The following C19orf18 variants were observed in gnomAD, a reference collection of about 807,000 sequenced individuals.
C19orf18 encodes the protein uncharacterized protein C19orf18.
C19orf18 carries 21 observed loss-of-function variants against 23.3 expected under a neutral mutation model. The observed-to-expected ratio is 0.90, with a 90% CI of 0.64 to 1.30. The LOEUF is 1.30. Among genes scored for constraint, C19orf18 ranks in the 50% most tolerant of loss-of-function variants. The pLI, the probability that C19orf18 is intolerant of heterozygous loss-of-function variation, is 0.00. For missense variants in C19orf18, 249 were observed against 259.6 expected (o/e 0.96, Z 0.28); for synonymous variants, 96 against 95.2 (o/e 1.01, Z -0.05).
rs77176523 is a variant in C19orf18, at chr19:57,967,083, C to CA, written c.269-452dup. Among the ~76,000 whole-genome samples the CA allele has an allele frequency of 2.8e-3, 322 of 115,668 alleles. 2 individuals carry two copies. Among genetic ancestry groups the CA allele is most frequent in the South Asian group, 0.012 (45 of 3,686 alleles). The allele number at this position is 115,668 out of a possible 152,430, so 75.9% of individuals were successfully genotyped here. ...TGGGCAACAGTGTGAAACTCCGTCT[C>CA]AAAAAAAAAAAAAAGAAAGAAAACT... On this transcript the variant is annotated intron_variant, in intron 3 of 5. Transcript: ENST00000314391.
In C19orf18 at chr19:57,959,127, G is replaced by A. The variant is rs112890025; in HGVS notation, c.533-410C>T. Among the ~76,000 whole-genome samples, 956 of 152,298 alleles carry A rather than the reference G, an allele frequency of 6.3e-3. 7 individuals are homozygous for A. The highest frequency in any genetic ancestry group is 0.01 in the Non-Finnish European group (697 of 68,022). On this transcript the variant is annotated intron_variant, in intron 5 of 5. Coordinates refer to ENST00000314391, the MANE Select transcript of C19orf18 (RefSeq NM_152474.5). ...GAGTCCATGTGAGGATGGTTAGTAT[G>A]TCTGAATCACACACTACACTCTCTA...
chr19:57,968,741 G>A lies in C19orf18; in HGVS notation c.269-2109C>T, dbSNP rs139094893. 1.2e-4 allele frequency among the ~76,000 whole-genome samples: 18 copies of A among 152,112 alleles called. No individual in the cohort carries two copies. In the East Asian group the frequency reaches 2.1e-3, roughly 18 times the overall value. ...TATTTATTATATTTTCTTATTTTCC[G>A]TATTCCTGATGCTCTGGCATTTGGG... On this transcript the variant is annotated intron_variant, in intron 3 of 5. Transcript: ENST00000314391.
intron 3 of C19orf18, among the ~76,000 whole-genome samples, chr19:57,969,762 G>A (rs1033957025): frequency 2.7e-5 from 4 of 150,854 alleles, no homozygotes; most frequent in South Asian, 2.1e-4. Flanking sequence ...CAAAATTAGC[G>A]GGGCATGGTA....
chr19:57,963,743 AGCCGGGCGTGGTG>A (rs1427968983), intron 4 of C19orf18, among the ~76,000 whole-genome samples: 1 of 152,006 alleles, frequency 6.6e-6, no homozygotes, highest in African/African-American at 2.4e-5. Context: ...AAAAAAAATT[AGCCGGGCGTGGTG>A]GCGGGTGCCT....
chr19:57,966,229 G>C lies in C19orf18; in HGVS notation c.371+301C>G, dbSNP rs188845106. On this transcript the variant is annotated intron_variant, in intron 4 of 5. Coordinates refer to ENST00000314391, the MANE Select transcript of C19orf18 (RefSeq NM_152474.5). ...CCTGACCTCATGATCCACCCGCCTC[G>C]GCCTTCCAAAGTGCTGGGATTACAA... Among the ~76,000 whole-genome samples, 164 of 152,038 alleles carry C rather than the reference G, an allele frequency of 1.1e-3. 3 individuals carry two copies. The East Asian group carries it at 0.025, about 24-fold the overall frequency.
At chr19:57,973,844 C>A (rs2072963974) in intron 2 of C19orf18, among the ~76,000 whole-genome samples, 1 of 152,054 alleles carries the variant, frequency 6.6e-6, no homozygotes, top group African/African-American at 2.4e-5. Flanking sequence ...CCTGTGTAAT[C>A]TGGATGGGAT....
chr19:57,961,096 A>G (rs1000507352), intron 5 of C19orf18, among the ~76,000 whole-genome samples: 47 of 151,810 alleles, frequency 3.1e-4, no homozygotes, highest in South Asian at 2.1e-4. Flanking sequence ...TTAGCCGGGC[A>G]TGGTGGCGGG....
In C19orf18 at chr19:57,974,141, T is replaced by C; in HGVS notation, c.184A>G (p.Thr62Ala). ...TKEPKVFFHK[T>A]QLPGIQGAAS... ...GCCCCTTGAATCCCAGGCAACTGGG[T>C]TTTATGAAAGAACACTTTGGGCTCT... Residue 62 changes from threonine (T) to alanine (A), a missense_variant, in exon 2 of 6, where the codon ACC (threonine) becomes GCC (alanine). Transcript: ENST00000314391. The C allele has an allele frequency of 3.1e-6, 5 of 1,613,978 alleles. No individual in the cohort carries two copies. Among genetic ancestry groups the C allele is most frequent in the Non-Finnish European group, 4.2e-6 (5 of 1,179,988 alleles).
chr19:57,962,540 T>C (rs1174683351), intron 4 of C19orf18, among the ~76,000 whole-genome samples: 1 of 152,124 alleles, frequency 6.6e-6, no homozygotes, highest in Non-Finnish European at 1.5e-5. Context: ...TTCCCAGTAC[T>C]GTGTGAATTA....
chr19:57,974,027 C>T, intron 2 of C19orf18, 72 bp downstream of exon 2: 1 of 1,421,304 alleles, frequency 7.0e-7, no homozygotes. Flanking sequence ...ACACAGTACA[C>T]ATTCACATGG....
intron 3 of C19orf18, among the ~76,000 whole-genome samples, chr19:57,970,108 C>G (rs1021211200): frequency 6.6e-6 from 1 of 152,158 alleles, no homozygotes; most frequent in African/African-American, 2.4e-5. Context: ...CTAATTTAAA[C>G]TTAAAGCTGT....
At chr19:57,965,918 T>C (rs1477860553) in intron 4 of C19orf18, among the ~76,000 whole-genome samples, 1 of 152,138 alleles carries the variant, frequency 6.6e-6, no homozygotes, top group East Asian at 1.9e-4. Context: ...GTCTCACATG[T>C]ATCTGAAAAG....
At chr19:57,968,386 A>G (rs1371743347) in intron 3 of C19orf18, among the ~76,000 whole-genome samples, 7 of 152,212 alleles carry the variant, frequency 4.6e-5, no homozygotes, top group Non-Finnish European at 8.8e-5. Flanking sequence ...AATTGTCAGG[A>G]AAGTCCTTGA....
At chr19:57,967,562 G>A (rs938732633) in intron 3 of C19orf18, among the ~76,000 whole-genome samples, 3 of 152,094 alleles carry the variant, frequency 2.0e-5, no homozygotes, top group Non-Finnish European at 4.4e-5. Context: ...AGACCAGCCT[G>A]GGCAACATTG....
chr19:57,960,484 C>T (rs1319003649), intron 5 of C19orf18, among the ~76,000 whole-genome samples: 1 of 151,442 alleles, frequency 6.6e-6, no homozygotes, highest in East Asian at 1.9e-4. Context: ...TCAATTTCAT[C>T]CTCTTCTCAC....
intron 5 of C19orf18, 35 bp downstream of exon 5, chr19:57,961,356 G>A (rs1429851404): frequency 6.5e-7 from 1 of 1,540,440 alleles, no homozygotes; most frequent in Non-Finnish European, 8.8e-7. Context: ...TGCCAGCTTG[G>A]CTTTCCTGCG....
At chr19:57,973,996 T>C (rs533833170) in intron 2 of C19orf18, 103 bp downstream of exon 2, 13 of 1,114,236 alleles carry the variant, frequency 1.2e-5, no homozygotes, top group East Asian at 4.7e-5. Context: ...CTCTATTTTA[T>C]GGACCTTTCT....
intron 4 of C19orf18, among the ~76,000 whole-genome samples, chr19:57,963,362 C>CA (rs201354424): frequency 0.012 from 1,827 of 149,758 alleles, 43 homozygotes; most frequent in African/African-American, 0.042. Flanking sequence ...TGAAATGAAG[C>CA]AAAAAAAACA....
chr19:57,961,278 G>A (rs1016722043), intron 5 of C19orf18, 113 bp downstream of exon 5: 4 of 1,118,440 alleles, frequency 3.6e-6, no homozygotes, highest in African/African-American at 3.2e-5. Flanking sequence ...AAGAAAGAAA[G>A]GAAAGAAAGA....
Sources: gnomAD v4.1 joint callset for allele counts (sites outside exome capture counted in the v4.1 genomes callset) on GRCh38, gnomAD v4.1.1 for gene constraint, MANE v1.5 for transcripts, NCBI Gene and HGNC (gene_info 2026-07-23, HGNC 2026-07-21) for gene names.